Variants in TATDN2 observed in about 807,000 individuals in gnomAD.
TATDN2 encodes 3'-5' RNA nuclease TATDN2.
In TATDN2, 44 loss-of-function variants were observed where a neutral mutation model predicts 60.3. That is an observed-to-expected ratio of 0.73 (90% CI 0.57 to 0.94). The LOEUF is 0.94. Ranked by LOEUF, TATDN2 falls within the 40% of genes least tolerant of loss-of-function variation. The pLI is 0.00. For synonymous variants in TATDN2, 399 were observed against 355.8 expected (o/e 1.12, Z -1.37); for missense variants, 997 against 948.0 (o/e 1.05, Z -0.68).
chr3:10,276,297 C>G (rs1044335138), intron 4 of TATDN2, 64 bp from the exon 5 acceptor site: 46 of 1,593,716 alleles, frequency 2.9e-5, no homozygotes, highest in Non-Finnish European at 3.8e-5. Context: ...ACTGGGCGTT[C>G]CAGAGGTGAT....
At chr3:10,271,522 T>C (rs759085096) in intron 4 of TATDN2, among the ~76,000 whole-genome samples, 2 of 152,142 alleles carry the variant, frequency 1.3e-5, no homozygotes, top group African/African-American at 4.8e-5. Context: ...CAGGTTGGTA[T>C]TGAACTCCTG....
At chr3:10,261,148 A>C (rs962806378) in intron 3 of TATDN2, among the ~76,000 whole-genome samples, 1 of 152,204 alleles carries the variant, frequency 6.6e-6, no homozygotes, top group African/African-American at 2.4e-5. Context: ...CTTCCCTGTT[A>C]AGAGCTTGGC....
chr3:10,272,922 C>T (rs1319173051), intron 4 of TATDN2, among the ~76,000 whole-genome samples: 1 of 151,642 alleles, frequency 6.6e-6, no homozygotes, highest in Non-Finnish European at 1.5e-5. Context: ...GCCTGGGGTC[C>T]CAGCTACTCA....
intron 3 of TATDN2, among the ~76,000 whole-genome samples, chr3:10,265,225 G>C (rs1698460730): frequency 6.7e-6 from 1 of 149,450 alleles, no homozygotes; most frequent in Non-Finnish European, 1.5e-5. Context: ...TACAGGCATG[G>C]ACCACCATGC....
chr3:10,269,664 G>A (rs1234893205), intron 3 of TATDN2, among the ~76,000 whole-genome samples: 3 of 152,054 alleles, frequency 2.0e-5, no homozygotes, highest in Admixed American at 6.5e-5. Context: ...TCTCACCACC[G>A]CATTCCAGCC....
intron 3 of TATDN2, among the ~76,000 whole-genome samples, chr3:10,266,277 G>T (rs1698473858): frequency 6.6e-6 from 1 of 152,178 alleles, no homozygotes; most frequent in African/African-American, 2.4e-5. Context: ...TATGTAATGG[G>T]TGTGTTTTCT....
intron 2 of TATDN2, among the ~76,000 whole-genome samples, chr3:10,250,168 G>GTT (rs34201858): frequency 3.6e-5 from 5 of 138,120 alleles, no homozygotes; most frequent in Non-Finnish European, 4.7e-5. Context: ...GGTGGTGCTA[G>GTT]TTTTTTTTTT....
Position 10,260,635 on chromosome 3 carries a change from T to C in TATDN2, c.913T>C (p.Leu305=). The C allele has an allele frequency of 6.2e-6, 10 of 1,614,092 alleles. No homozygotes were observed. Among genetic ancestry groups the C allele is most frequent in the Non-Finnish European group, 7.6e-6 (9 of 1,180,004 alleles). The change falls in exon 3 of 8, where the codon TTG becomes CTG. Residue 305 remains leucine (L), a synonymous_variant. Coordinates refer to ENST00000448281, the MANE Select transcript of TATDN2 (RefSeq NM_014760.4). ...IDKCSPPLEF[L]DDSDSHLEIQ... ...CAAATGCTCTCCACCCCTAGAGTTCTTGGATGACTCTGACTCTCATTTAGA... is the reference window on the plus strand; with the variant it reads ...CAAATGCTCTCCACCCCTAGAGTTCCTGGATGACTCTGACTCTCATTTAGA...
At position 10,270,249 on chromosome 3, in the gene TATDN2, C is replaced by A. The variant is rs760567540; in HGVS notation, c.1067C>A (p.Ala356Asp). The A allele has an allele frequency of 1.2e-6, 2 of 1,614,164 alleles. No individual in the cohort carries two copies. The highest frequency in any genetic ancestry group is 1.7e-5 in the Admixed American group (1 of 60,028). The change falls in exon 4 of 8, where the codon GCC becomes GAC. Residue 356 changes from alanine to aspartate, a missense_variant. Ala to Asp is a moderately radical substitution (Grantham distance 126). Coordinates refer to ENST00000448281, the MANE Select transcript of TATDN2 (RefSeq NM_014760.4). ...QEEPVSLKPS[A>D]VPEPSSFTTD... ...GAACCTGTCTCCCTGAAACCTTCAG[C>A]CGTTCCGGAGCCTTCTTCCTTCACC... is the stretch of plus-strand genomic sequence containing the variant.
intron 3 of TATDN2, among the ~76,000 whole-genome samples, chr3:10,261,365 CTT>C (rs58599009): frequency 1.4e-3 from 182 of 133,958 alleles, no homozygotes; most frequent in South Asian, 2.9e-3. Context: ...CCATCTTTTT[CTT>C]TTTTTTTTTT....
rs769687178 is a variant in TATDN2 at position 10,278,438 on chromosome 3, T to C, written c.2121T>C (p.Asp707=). 1 of 1,613,552 alleles carries C rather than the reference T, an allele frequency of 6.2e-7. No homozygotes were observed. The part of the protein sequence containing the change: ...IPLERIIVET[D]APYFLPRQVP... ...TGGAGAGAATCATCGTGGAAACGGA[T>C]GCTCCCTATTTCCTCCCTCGCCAGG... is the stretch of plus-strand genomic sequence containing the variant. The change falls in exon 6 of 8, where the codon GAT becomes GAC. Residue 707 remains aspartate, a synonymous_variant. Transcript: ENST00000448281. This position sits in a 1 kb window ranked among gnomAD's most constrained non-coding sequence, Gnocchi z 4.7.
Position 10,278,805 on chromosome 3 carries a change from G to A in TATDN2, c.2146-80G>A, listed in dbSNP as rs1698676667. The A allele has an allele frequency of 2.5e-6, 4 of 1,604,834 alleles. No individual in the cohort carries two copies. The highest frequency in any genetic ancestry group is 1.7e-5 in the Admixed American group (1 of 59,172). On this transcript the variant is annotated intron_variant, in intron 6 of 7. Coordinates refer to ENST00000448281, the MANE Select transcript of TATDN2 (RefSeq NM_014760.4). This position sits in a 1 kb window ranked among gnomAD's most constrained non-coding sequence, Gnocchi z 4.7. ...GCAGCCCCAAAGAGGTCCTTGCTGG[G>A]GAAGGGACAGGGAGGGAGTTCTAGA...
chr3:10,278,407 T>C lies in TATDN2; in HGVS notation c.2090T>C (p.Ile697Thr). 3 of 1,614,122 alleles carry C rather than the reference T, an allele frequency of 1.9e-6. No individual in the cohort carries two copies. Among genetic ancestry groups the C allele is most frequent in the South Asian group, 1.1e-5 (1 of 91,080 alleles). ...AWEAREALRQIPLERIIVETD... is the reference protein window; with the variant it reads ...AWEAREALRQTPLERIIVETD... Reference sequence around the variant, plus strand: ...GAGGCCCGGGAAGCCTTGAGGCAGATCCCACTGGAGAGAATCATCGTGGAA... The same window carrying C: ...GAGGCCCGGGAAGCCTTGAGGCAGACCCCACTGGAGAGAATCATCGTGGAA... Residue 697 changes from isoleucine to threonine, a missense_variant, in exon 6 of 8, where the codon ATC (isoleucine) becomes ACC (threonine). Physicochemically the swap from Ile to Thr is moderately conservative, Grantham distance 89 (BLOSUM62 -1). Coordinates refer to ENST00000448281, the MANE Select transcript of TATDN2 (RefSeq NM_014760.4). This position sits in a 1 kb window ranked among gnomAD's most constrained non-coding sequence, Gnocchi z 4.7.
Position 10,248,479 on chromosome 3 carries a change from C to G in TATDN2, c.-595C>G, listed in dbSNP as rs1350759458. ...CCCCTGTCGCTCTCCGGCCTGCGGG[C>G]CGCAGGGCTCGTTCCGGAGGGCGGG... On this transcript the variant is annotated 5_prime_UTR_variant, in exon 1 of 8. Transcript: ENST00000448281. The G allele has an allele frequency of 6.6e-6, 1 of 152,144 alleles. No individual in the cohort carries two copies. Among genetic ancestry groups the G allele is most frequent in the African/African-American group, 2.4e-5 (1 of 41,434 alleles). The allele number at this position is 152,144 out of a possible 1,614,324, so 9.4% of individuals were successfully genotyped here.
At chr3:10,262,902 T>C (rs1370966651) in intron 3 of TATDN2, among the ~76,000 whole-genome samples, 1 of 152,056 alleles carries the variant, frequency 6.6e-6, no homozygotes, top group Non-Finnish European at 1.5e-5. Context: ...TTTTTATTTT[T>C]TATTTTCTTT....
rs373299416 is a variant in TATDN2, at chr3:10,249,587, T to G, written c.387T>G (p.Ser129=). 369 of 1,529,678 alleles carry G rather than the reference T, an allele frequency of 2.4e-4. No individual in the cohort carries two copies. Among genetic ancestry groups the G allele is most frequent in the Middle Eastern group, 3.5e-4 (2 of 5,674 alleles). 94.8% of individuals were successfully genotyped at this position (1,529,678 alleles called of 1,614,324 possible). ...PANASLEEMA[S]LEEEACSLKV... is the part of the protein sequence containing the mutation. Reference sequence around the variant, plus strand: ...ACGCCTCTTTGGAAGAAATGGCTTCTCTAGAGGAGGAAGCCTGCAGCCTTA... The same window carrying G: ...ACGCCTCTTTGGAAGAAATGGCTTCGCTAGAGGAGGAAGCCTGCAGCCTTA... The change falls in exon 2 of 8, where the codon TCT becomes TCG. Residue 129 remains serine (S), a synonymous_variant. Transcript: ENST00000448281.
chr3:10,274,300 G>A (rs1446148039), intron 4 of TATDN2, among the ~76,000 whole-genome samples: 1 of 152,152 alleles, frequency 6.6e-6, no homozygotes, highest in Non-Finnish European at 1.5e-5. Flanking sequence ...TTGGAAAATT[G>A]CAAGGTACAA....
intron 2 of TATDN2, among the ~76,000 whole-genome samples, chr3:10,252,873 T>TTG: frequency 6.7e-6 from 1 of 149,736 alleles, no homozygotes; most frequent in East Asian, 2.0e-4. Flanking sequence ...TTTTTTTTTT[T>TTG]TGAGACAGAA....
At chr3:10,261,998 T>C (rs981500409) in intron 3 of TATDN2, among the ~76,000 whole-genome samples, 1 of 152,240 alleles carries the variant, frequency 6.6e-6, no homozygotes. Context: ...TATACTCTGA[T>C]CACATTTTCT....
Sources: gnomAD v4.1 joint callset for allele counts (sites outside exome capture counted in the v4.1 genomes callset) on GRCh38, gnomAD v4.1.1 for gene constraint, Gnocchi (gnomAD v3.1) non-coding constraint, MANE v1.5 for transcripts, NCBI Gene and HGNC (gene_info 2026-07-23, HGNC 2026-07-21) for gene names.